ANKRD13C: variants seen among roughly 807,000 people sequenced by gnomAD.
ANKRD13C encodes the protein ankyrin repeat domain 13C, also known as ankyrin repeat domain-containing protein 13C.
ANKRD13C carries 16 observed loss-of-function variants against 65.5 expected under a neutral mutation model. The ratio of observed to expected loss-of-function variants is 0.24; its 90% CI spans 0.17 to 0.37. The LOEUF is 0.37. ANKRD13C is among the 10% of genes least tolerant of loss of function. ANKRD13C has a pLI of 1.00. For missense variants in ANKRD13C, 503 were observed against 655.9 expected, an observed-to-expected ratio of 0.77 and a Z score of 2.55; for synonymous variants, 235 against 238.7, an observed-to-expected ratio of 0.98 and a Z score of 0.14.
chr1:70,314,543 G>T (rs1268936322), intron 4 of ANKRD13C, among the ~76,000 whole-genome samples: 1 of 151,816 alleles, frequency 6.6e-6, no homozygotes, highest in Non-Finnish European at 1.5e-5. Context: ...ATTTTATTTT[G>T]CAAATTAGAA....
intron 1 of ANKRD13C, among the ~76,000 whole-genome samples, chr1:70,349,827 AC>A (rs1281715855): frequency 6.6e-6 from 1 of 152,188 alleles, no homozygotes; most frequent in African/African-American, 2.4e-5. Context: ...TGAGAAAAAA[AC>A]ATAATTAAAA....
intron 9 of ANKRD13C, among the ~76,000 whole-genome samples, chr1:70,291,911 G>C (rs1679884001): frequency 6.6e-6 from 1 of 152,042 alleles, no homozygotes; most frequent in Non-Finnish European, 1.5e-5. Context: ...TTGAGGTCAG[G>C]AGTTTGAGAC....
chr1:70,342,723 A>AAC (rs745583706), intron 1 of ANKRD13C, among the ~76,000 whole-genome samples: 3 of 147,330 alleles, frequency 2.0e-5, no homozygotes, highest in Non-Finnish European at 4.5e-5. Flanking sequence ...TAAAGAAAGA[A>AAC]ACACACACAC....
At chr1:70,318,445 C>G (rs192340225) in intron 3 of ANKRD13C, among the ~76,000 whole-genome samples, 236 of 152,246 alleles carry the variant, frequency 1.6e-3, no homozygotes, top group African/African-American at 5.2e-3. Flanking sequence ...TCCTTCTAAG[C>G]TCCAATCTAT....
rs2101388523 is a variant in ANKRD13C at position 70,305,286 on chromosome 1, T to C, written c.776+938A>G. 1.3e-5 allele frequency among the ~76,000 whole-genome samples: 2 copies of C among 152,306 alleles called. 1 individual carries two copies. Among genetic ancestry groups the C allele is most frequent in the South Asian group, 4.1e-4 (2 of 4,830 alleles). On this transcript the variant is annotated intron_variant, in intron 6 of 12. Transcript: ENST00000370944. Reference sequence around the variant, plus strand: ...GATTTTTAAAAACTTCTGCTTTGTGTCATGGTGAGAAGAACAACAAACAAG... The same window carrying C: ...GATTTTTAAAAACTTCTGCTTTGTGCCATGGTGAGAAGAACAACAAACAAG...
At chr1:70,341,330 A>G (rs1191396368) in intron 1 of ANKRD13C, among the ~76,000 whole-genome samples, 1 of 148,170 alleles carries the variant, frequency 6.7e-6, no homozygotes, top group Non-Finnish European at 1.5e-5. Flanking sequence ...ACTTACTGAT[A>G]TATCAGGGTC....
At chr1:70,352,930 T>TA (rs905103434) in intron 1 of ANKRD13C, among the ~76,000 whole-genome samples, 2 of 152,236 alleles carry the variant, frequency 1.3e-5, no homozygotes, top group Non-Finnish European at 2.9e-5. Flanking sequence ...TCGTTTTTTT[T>TA]ATCTGAATTT....
chr1:70,300,899 T>A lies in ANKRD13C; in HGVS notation c.786A>T (p.Thr262=), dbSNP rs757767471. 6.2e-7 allele frequency: 1 copy of A among 1,611,478 alleles called. No homozygotes were observed. The highest frequency in any genetic ancestry group is 8.5e-7 in the Non-Finnish European group (1 of 1,179,440). ...YKQGINIRLD[T]TLIDFTDMKC... ...TCATGTCAGTAAAGTCTATGAGAGT[T>A]GTGTCAAGCCTGTGAAACATGGGTA... The change falls in exon 7 of 13, where the codon ACA becomes ACT. Residue 262 remains threonine (T), a synonymous_variant. Coordinates refer to ENST00000370944, the MANE Select transcript of ANKRD13C (RefSeq NM_030816.5).
chr1:70,341,376 T>C (rs866408437), intron 1 of ANKRD13C, among the ~76,000 whole-genome samples: 4 of 150,252 alleles, frequency 2.7e-5, no homozygotes, highest in African/African-American at 9.8e-5. Context: ...TTTTTTTTTT[T>C]TTTTTTGAGA....
At chr1:70,348,855 C>T (rs1682635865) in intron 1 of ANKRD13C, among the ~76,000 whole-genome samples, 1 of 152,140 alleles carries the variant, frequency 6.6e-6, no homozygotes, top group Non-Finnish European at 1.5e-5. Context: ...TGGCTTGTCA[C>T]CTGCCAGGCA....
intron 1 of ANKRD13C, among the ~76,000 whole-genome samples, chr1:70,343,045 C>T (rs1243834823): frequency 6.6e-6 from 1 of 152,158 alleles, no homozygotes; most frequent in African/African-American, 2.4e-5. Flanking sequence ...GTAAAAGCAT[C>T]AGTACCTACT....
chr1:70,326,029 C>A (rs1207223226), intron 2 of ANKRD13C, among the ~76,000 whole-genome samples: 1 of 151,826 alleles, frequency 6.6e-6, no homozygotes, highest in Non-Finnish European at 1.5e-5. Context: ...GTCGGGAGTT[C>A]CAGACCAGCC....
At chr1:70,277,013 G>A (rs1037955852) in intron 9 of ANKRD13C, among the ~76,000 whole-genome samples, 169 bp from the exon 10 acceptor site, 3 of 152,094 alleles carry the variant, frequency 2.0e-5, no homozygotes, top group Non-Finnish European at 2.9e-5. Flanking sequence ...GGTGGTTTAA[G>A]CTCTATTGGT....
chr1:70,296,013 G>GA (rs1680067514), intron 8 of ANKRD13C, 117 bp downstream of exon 8: 5 of 1,234,914 alleles, frequency 4.0e-6, no homozygotes, highest in Non-Finnish European at 4.4e-6. Flanking sequence ...AAGGAAGAGA[G>GA]AAAAAAACTA....
chr1:70,269,022 A>G (rs1053574845), intron 12 of ANKRD13C, among the ~76,000 whole-genome samples: 9 of 149,026 alleles, frequency 6.0e-5, no homozygotes, highest in Admixed American at 2.0e-4. Context: ...TATATCTCCC[A>G]ATGCTATCCC....
chr1:70,276,892 A>T (rs746518005), intron 9 of ANKRD13C, 48 bp from the exon 10 acceptor site: 18 of 1,419,568 alleles, frequency 1.3e-5, no homozygotes, highest in Admixed American at 4.3e-5. Flanking sequence ...AGAAAGAAAG[A>T]TGTTATTTTT....
intron 9 of ANKRD13C, among the ~76,000 whole-genome samples, chr1:70,286,624 A>T (rs879750686): frequency 6.6e-6 from 1 of 152,234 alleles, no homozygotes; most frequent in Non-Finnish European, 1.5e-5. Context: ...CAGGCAAGAG[A>T]AAAGTAAAAC....
At chr1:70,351,999 CAAT>C (rs1261883229) in intron 1 of ANKRD13C, among the ~76,000 whole-genome samples, 2 of 152,184 alleles carry the variant, frequency 1.3e-5, no homozygotes, top group East Asian at 3.9e-4. Flanking sequence ...TCAGAAACAT[CAAT>C]GATATAAGGT....
chr1:70,274,013 TCCC>T (rs1300339306), intron 11 of ANKRD13C, among the ~76,000 whole-genome samples: 24 of 151,838 alleles, frequency 1.6e-4, no homozygotes, highest in Admixed American at 1.4e-3. Context: ...CGTGAACCAT[TCCC>T]CCATTTTTAT....
Sources: gnomAD v4.1 joint callset for allele counts (sites outside exome capture counted in the v4.1 genomes callset) on GRCh38, gnomAD v4.1.1 for gene constraint, MANE v1.5 for transcripts, NCBI Gene and HGNC (gene_info 2026-07-23, HGNC 2026-07-21) for gene names.